CCDC15: variants seen among roughly 807,000 people sequenced by gnomAD.
CCDC15 encodes coiled-coil domain containing 15, also known as coiled-coil domain-containing protein 15.
CCDC15 carries 105 observed loss-of-function variants against 114.5 expected under a neutral mutation model. The observed-to-expected ratio is 0.92, with a 90% CI of 0.78 to 1.08. CCDC15 has a LOEUF of 1.08. Among genes scored for constraint, CCDC15 ranks in the 50% least tolerant of loss-of-function variants. The probability of loss-of-function intolerance (pLI) is 0.00; values close to 1 mark genes in which losing one functional copy is unlikely to be tolerated. For missense variants in CCDC15, 1,105 were observed against 1,093.6 expected, an observed-to-expected ratio of 1.01 and a Z score of -0.15; for synonymous variants, 334 against 377.8, an observed-to-expected ratio of 0.88 and a Z score of 1.34.
rs369194843 is a variant in CCDC15 at position 124,986,707 on chromosome 11, G to A, written c.754-35G>A. ...TGTGTGTGTTTGTGTGTGTGCGCGC[G>A]CGCGCGTGCGCGTTTTCATTGTTTT... On this transcript the variant is annotated intron_variant, in intron 6 of 15. Transcript: ENST00000344762. 1,025 of 1,440,752 alleles carry A rather than the reference G, an allele frequency of 7.1e-4. 23 individuals are homozygous for A. The African/African-American group carries it at 7.7e-3, about 11-fold the overall frequency. 89.2% of individuals were successfully genotyped at this position (1,440,752 alleles called of 1,614,324 possible).
chr11:124,973,301 A>C (rs1245237978), intron 4 of CCDC15, among the ~76,000 whole-genome samples: 1 of 152,066 alleles, frequency 6.6e-6, no homozygotes, highest in Admixed American at 6.6e-5. Flanking sequence ...GTGCAGGGTA[A>C]TAACACCTAC....
chr11:125,040,389 A>T (rs1488067449), intron 15 of CCDC15, among the ~76,000 whole-genome samples: 2 of 152,118 alleles, frequency 1.3e-5, no homozygotes, highest in Non-Finnish European at 2.9e-5. Context: ...ATGGCAACTT[A>T]ATTATTTTTG....
chr11:125,010,319 GA>G (rs1347893436), intron 13 of CCDC15, among the ~76,000 whole-genome samples: 1 of 150,514 alleles, frequency 6.6e-6, no homozygotes, highest in East Asian at 1.9e-4. Flanking sequence ...CTTCTTTTGA[GA>G]AGTATTTATT....
intron 4 of CCDC15, among the ~76,000 whole-genome samples, chr11:124,965,855 G>C (rs1001618934): frequency 2.0e-5 from 3 of 152,116 alleles, no homozygotes; most frequent in African/African-American, 7.2e-5. Flanking sequence ...TGTTCTCATT[G>C]GTTTCAAAGA....
At chr11:125,006,889 C>G (rs535473368) in intron 13 of CCDC15, among the ~76,000 whole-genome samples, 9 of 152,064 alleles carry the variant, frequency 5.9e-5, no homozygotes, top group Non-Finnish European at 1.0e-4. Flanking sequence ...ATCTATTTGT[C>G]TATTCTTTTG....
intron 13 of CCDC15, among the ~76,000 whole-genome samples, chr11:125,010,215 G>T (rs530281526): frequency 6.6e-6 from 1 of 151,982 alleles, no homozygotes; most frequent in Non-Finnish European, 1.5e-5. Context: ...GTTTTGACTC[G>T]TGTTAGATAG....
rs570738583 is a variant in CCDC15 at position 124,977,601 on chromosome 11, G to A, written c.753+1G>A. The A allele has an allele frequency of 1.9e-6, 3 of 1,597,736 alleles. No homozygotes were observed. Among genetic ancestry groups the A allele is most frequent in the Admixed American group, 3.5e-5 (2 of 56,966 alleles). Reference sequence around the variant, plus strand: ...TTACCAGAATTATATGGAAAATCAGGTAGGGAAATATAAAAAGTAGAGGGG... The same window carrying A: ...TTACCAGAATTATATGGAAAATCAGATAGGGAAATATAAAAAGTAGAGGGG... On this transcript the variant is annotated splice_donor_variant, in intron 6 of 15. Transcript: ENST00000344762. LOFTEE classifies it high-confidence loss of function.
chr11:124,983,989 G>C (rs953247461), intron 6 of CCDC15, among the ~76,000 whole-genome samples: 10 of 152,110 alleles, frequency 6.6e-5, no homozygotes, highest in African/African-American at 2.4e-4. Context: ...CTCCAGGTAG[G>C]CGTTCATGTG....
chr11:124,998,013 A>AAGGT (rs1157937408), intron 11 of CCDC15, among the ~76,000 whole-genome samples: 1 of 152,216 alleles, frequency 6.6e-6, no homozygotes, highest in African/African-American at 2.4e-5. Flanking sequence ...AACTGGGGGA[A>AAGGT]AGGTAATCCT....
chr11:125,028,946 G>A (rs1027277586), intron 13 of CCDC15, among the ~76,000 whole-genome samples: 17 of 152,060 alleles, frequency 1.1e-4, no homozygotes, highest in African/African-American at 1.9e-4. Context: ...TGATCACAAG[G>A]TTCCACAATA....
chr11:125,015,971 A>C (rs1188839358), intron 13 of CCDC15, among the ~76,000 whole-genome samples: 1 of 152,196 alleles, frequency 6.6e-6, no homozygotes. Flanking sequence ...AATGGAAACA[A>C]AGCTTTTTGC....
At chr11:124,999,955 G>A (rs2135508285) in intron 11 of CCDC15, among the ~76,000 whole-genome samples, 1 of 139,694 alleles carries the variant, frequency 7.2e-6, no homozygotes, top group African/African-American at 2.7e-5. Context: ...TCTGCTTCCT[G>A]AGTTCAAGTG....
intron 13 of CCDC15, among the ~76,000 whole-genome samples, chr11:125,013,704 G>T (rs1948611321): frequency 1.3e-5 from 2 of 152,140 alleles, no homozygotes; most frequent in South Asian, 4.1e-4. Context: ...AGATTTTTCA[G>T]GAAGCTAGTG....
At chr11:125,016,824 T>C (rs1172864015) in intron 13 of CCDC15, among the ~76,000 whole-genome samples, 2 of 152,186 alleles carry the variant, frequency 1.3e-5, no homozygotes, top group African/African-American at 4.8e-5. Context: ...TTAGCAATAC[T>C]ACTGACCTTC....
chr11:124,959,228 G>A lies in CCDC15; in HGVS notation c.291G>A (p.Leu97=). The change falls in exon 3 of 16, where the codon TTG becomes TTA. Residue 97 remains leucine (L), a synonymous_variant. Coordinates refer to ENST00000344762, the MANE Select transcript of CCDC15 (RefSeq NM_025004.3). ...VKYRVNQQIR[L]RKKQQLQKSY... The stretch of plus-strand genomic sequence containing the variant: ...ACCGAGTAAATCAACAAATTAGGTT[G>A]AGAAAAAAGCAACAGCTTCAGAAGT... 6.3e-7 allele frequency: 1 copy of A among 1,581,354 alleles called. No homozygotes were observed. The highest frequency in any genetic ancestry group is 8.6e-7 in the Non-Finnish European group (1 of 1,168,936).
intron 6 of CCDC15, among the ~76,000 whole-genome samples, chr11:124,985,618 T>C (rs539619224): frequency 6.7e-6 from 1 of 148,778 alleles, no homozygotes; most frequent in African/African-American, 2.5e-5. Flanking sequence ...TGTTGCCCAG[T>C]TGTGTAACTC....
At chr11:125,019,013 A>G (rs1368924167) in intron 13 of CCDC15, among the ~76,000 whole-genome samples, 1 of 152,022 alleles carries the variant, frequency 6.6e-6, no homozygotes, top group African/African-American at 2.4e-5. Context: ...GATTGGAGCT[A>G]AAGGAATAGC....
chr11:124,987,309 G>A lies in CCDC15; in HGVS notation c.1083G>A (p.Gln361=), dbSNP rs1374312825. Reference sequence around the variant, plus strand: ...TCCAGAGTGTTAAGCCAGATACCCAGGCTGTTGAAATGAAGGTTCAGGTTA... The same window carrying A: ...TCCAGAGTGTTAAGCCAGATACCCAAGCTGTTGAAATGAAGGTTCAGGTTA... ...TGIQSVKPDT[Q]AVEMKVQVTE... The change falls in exon 8 of 16, where the codon CAG becomes CAA. Residue 361 remains glutamine (Q), a synonymous_variant. Coordinates refer to ENST00000344762, the MANE Select transcript of CCDC15 (RefSeq NM_025004.3). 6.2e-7 allele frequency: 1 copy of A among 1,612,780 alleles called. No homozygotes were observed. The highest frequency in any genetic ancestry group is 1.3e-5 in the African/African-American group (1 of 74,942).
chr11:125,018,068 G>A (rs964106489), intron 13 of CCDC15, among the ~76,000 whole-genome samples: 2 of 152,066 alleles, frequency 1.3e-5, no homozygotes, highest in African/African-American at 4.8e-5. Context: ...TAAGTGTACA[G>A]TGTTTATAAA....
Sources: gnomAD v4.1 joint callset for allele counts (sites outside exome capture counted in the v4.1 genomes callset) on GRCh38, gnomAD v4.1.1 for gene constraint, MANE v1.5 for transcripts, NCBI Gene and HGNC (gene_info 2026-07-23, HGNC 2026-07-21) for gene names.